Variants in SH2D4B observed in about 807,000 individuals in gnomAD.
SH2D4B encodes the protein SH2 domain-containing protein 4B.
SH2D4B carries 45 observed loss-of-function variants against 61.5 expected under a neutral mutation model. That is an observed-to-expected ratio of 0.73 (90% confidence interval 0.58 to 0.94). The LOEUF (loss-of-function observed/expected upper bound fraction) is 0.94. Ranked by LOEUF, SH2D4B falls within the 40% of genes least tolerant of loss-of-function variation. The pLI, the probability that SH2D4B is intolerant of heterozygous loss-of-function variation, is 0.00. For synonymous variants in SH2D4B, 224 were observed against 220.4 expected (o/e 1.02, Z -0.14); for missense variants, 572 against 574.2 (o/e 1.00, Z 0.04).
rs539654451 is a variant in SH2D4B, at chr10:80,619,703, T to C, written c.988+10152T>C. Among the ~76,000 whole-genome samples the C allele has an allele frequency of 3.3e-4, 51 of 152,390 alleles. No homozygotes were observed. In the South Asian group the frequency reaches 7.2e-3, roughly 22 times the overall value. ...GGCCAATAACTATGGGTGATACTAA[T>C]GTAATTCCATCTGACCACTTAAGAG... On this transcript the variant is annotated intron_variant, in intron 6 of 7. Transcript: ENST00000646907.
intron 1 of SH2D4B, among the ~76,000 whole-genome samples, chr10:80,541,591 CCT>C (rs1185866665): frequency 6.6e-6 from 1 of 152,186 alleles, no homozygotes; most frequent in Non-Finnish European, 1.5e-5. Flanking sequence ...TTCCCTCTCC[CCT>C]CTTTTCTGGG....
At chr10:80,616,488 G>C (rs1412336935) in intron 6 of SH2D4B, among the ~76,000 whole-genome samples, 1 of 152,134 alleles carries the variant, frequency 6.6e-6, no homozygotes, top group Non-Finnish European at 1.5e-5. Context: ...GACTATTTTT[G>C]CTGTAGGAAA....
intron 6 of SH2D4B, among the ~76,000 whole-genome samples, chr10:80,625,935 G>A (rs1028559360): frequency 6.6e-6 from 1 of 152,020 alleles, no homozygotes; most frequent in Non-Finnish European, 1.5e-5. Context: ...CCACAGACAG[G>A]GAAGGCTGAC....
chr10:80,572,972 A>G (rs1288125665), intron 3 of SH2D4B, among the ~76,000 whole-genome samples: 425 of 9,262 alleles, frequency 0.046, 22 homozygotes, highest in African/African-American at 0.12. Context: ...ATATATATAT[A>G]TATATATATA....
At chr10:80,615,150 G>T (rs1842646608) in intron 6 of SH2D4B, among the ~76,000 whole-genome samples, 1 of 152,242 alleles carries the variant, frequency 6.6e-6, no homozygotes, top group African/African-American at 2.4e-5. Flanking sequence ...AGCAGGAAGG[G>T]GTTGGACAGG....
Position 80,538,197 on chromosome 10 carries a change from T to C in SH2D4B, c.-135T>C, listed in dbSNP as rs1299221085. The C allele has an allele frequency of 2.9e-6, 2 of 685,254 alleles. No homozygotes were observed. The highest frequency in any genetic ancestry group is 4.3e-5 in the Admixed American group (1 of 23,144). The allele number at this position is 685,254 out of a possible 1,614,324, so 42.4% of individuals were successfully genotyped here. Reference sequence around the variant, plus strand: ...GCTGCAAGCTGAGGCCAACTGACAATGCTGCACAGAGAAGGGGCACCGAGA... The same window carrying C: ...GCTGCAAGCTGAGGCCAACTGACAACGCTGCACAGAGAAGGGGCACCGAGA... On this transcript the variant is annotated 5_prime_UTR_variant, in exon 1 of 8. The change abolishes an upstream ATG in the 5' untranslated region. Transcript: ENST00000646907. This position sits in a 1 kb window ranked among gnomAD's most constrained non-coding sequence, Gnocchi z 4.8.
intron 6 of SH2D4B, among the ~76,000 whole-genome samples, chr10:80,617,259 C>T (rs1842671171): frequency 1.3e-5 from 2 of 152,150 alleles, no homozygotes; most frequent in Non-Finnish European, 2.9e-5. Context: ...TAGGAGGTGC[C>T]CAGCCATCTC....
chr10:80,601,841 G>T (rs1842454652), intron 4 of SH2D4B, among the ~76,000 whole-genome samples: 1 of 152,228 alleles, frequency 6.6e-6, no homozygotes, highest in Non-Finnish European at 1.5e-5. Context: ...TGTCTTGAGT[G>T]GCACTGGAGT....
intron 3 of SH2D4B, among the ~76,000 whole-genome samples, chr10:80,575,454 G>A (rs556388628): frequency 2.2e-4 from 33 of 152,100 alleles, no homozygotes; most frequent in African/African-American, 6.0e-4. Flanking sequence ...AGCAGCTACT[G>A]ACAATTTAGA....
intron 6 of SH2D4B, among the ~76,000 whole-genome samples, chr10:80,611,537 G>A (rs1842600386): frequency 6.6e-6 from 1 of 152,156 alleles, no homozygotes; most frequent in African/African-American, 2.4e-5. Context: ...TCTCCCTTCT[G>A]TCCCAGTTAT....
chr10:80,587,863 G>A (rs1164686969), intron 3 of SH2D4B, among the ~76,000 whole-genome samples: 1 of 152,134 alleles, frequency 6.6e-6, no homozygotes, highest in East Asian at 1.9e-4. Flanking sequence ...CTGTTTCTGT[G>A]TAGGTTCACT....
chr10:80,573,651 C>G (rs1005248408), intron 3 of SH2D4B, among the ~76,000 whole-genome samples: 2 of 152,098 alleles, frequency 1.3e-5, no homozygotes, highest in African/African-American at 2.4e-5. Context: ...TACTTGTGGA[C>G]CTTTTTGTGG....
intron 6 of SH2D4B, among the ~76,000 whole-genome samples, chr10:80,621,072 C>G (rs1196504799): frequency 6.6e-6 from 1 of 152,172 alleles, no homozygotes; most frequent in Non-Finnish European, 1.5e-5. Context: ...TATAACTTTT[C>G]TTTTTATTCA....
chr10:80,608,880 G>T (rs181936576), intron 5 of SH2D4B, among the ~76,000 whole-genome samples: 90 of 152,228 alleles, frequency 5.9e-4, no homozygotes, highest in African/African-American at 2.0e-3. Context: ...TTACAAAAGC[G>T]CAGGAGTTGT....
chr10:80,630,344 C>G (rs1025227408), intron 6 of SH2D4B, among the ~76,000 whole-genome samples: 2 of 152,246 alleles, frequency 1.3e-5, no homozygotes. Context: ...CAACAGGTCT[C>G]TGTCTTGGAG....
At chr10:80,621,825 A>T (rs1414631597) in intron 6 of SH2D4B, among the ~76,000 whole-genome samples, 2 of 151,392 alleles carry the variant, frequency 1.3e-5, no homozygotes, top group Non-Finnish European at 2.9e-5. Context: ...CCCTACCTTG[A>T]CTCTTTCTGG....
chr10:80,587,598 TTTTA>T lies in SH2D4B; in HGVS notation c.496-1028_496-1025del, dbSNP rs1187665144. Among the ~76,000 whole-genome samples the T allele has an allele frequency of 3.9e-5, 6 of 152,094 alleles. No homozygotes were observed. In the South Asian group the frequency reaches 1.2e-3, roughly 32 times the overall value. ...CCAGCTTTTTTTTTTCTTTCTAAAC[TTTTA>T]TTTTAGATTCCAGAGGTGCATGTGC... On this transcript the variant is annotated intron_variant, in intron 3 of 7. Coordinates refer to ENST00000646907, the MANE Select transcript of SH2D4B (RefSeq NM_001388272.1).
intron 6 of SH2D4B, among the ~76,000 whole-genome samples, chr10:80,613,985 T>C (rs77164637): frequency 0.033 from 5,079 of 152,220 alleles, 123 homozygotes; most frequent in African/African-American, 0.057. Context: ...CAGAAGTCAT[T>C]TTAATGATTA....
intron 3 of SH2D4B, among the ~76,000 whole-genome samples, chr10:80,572,968 A>C (rs1475962177): frequency 1.6e-4 from 1 of 6,264 alleles, no homozygotes; most frequent in Non-Finnish European, 2.8e-4. Flanking sequence ...ATATATATAT[A>C]TATATATATA....
Sources: allele counts gnomAD v4.1 joint callset (sites outside exome capture counted in the v4.1 genomes callset), GRCh38; gene constraint gnomAD v4.1.1; non-coding constraint Gnocchi (gnomAD v3.1); transcripts MANE v1.5; gene names NCBI Gene and HGNC (gene_info 2026-07-23, HGNC 2026-07-21).